The following MIPOL1 variants were observed in gnomAD, a reference collection of about 807,000 sequenced individuals.
MIPOL1 encodes mirror-image polydactyly 1, also known as mirror-image polydactyly gene 1 protein.
A neutral mutation model predicts 60.9 loss-of-function variants in MIPOL1; 57 were observed. The ratio of observed to expected loss-of-function variants is 0.94; its 90% confidence interval spans 0.76 to 1.17. MIPOL1 has a LOEUF of 1.17. Ranked by LOEUF, MIPOL1 falls within the 50% of genes most tolerant of loss-of-function variation. The probability of loss-of-function intolerance (pLI) is 0.00; values close to 1 mark genes in which losing one functional copy is unlikely to be tolerated. For missense variants in MIPOL1, 551 were observed against 511.6 expected (o/e 1.08, Z -0.74); for synonymous variants, 179 against 168.8 (o/e 1.06, Z -0.47).
intron 10 of MIPOL1, among the ~76,000 whole-genome samples, chr14:37,418,443 C>A (rs1467507179): frequency 6.6e-6 from 1 of 152,102 alleles, no homozygotes; most frequent in Non-Finnish European, 1.5e-5. Flanking sequence ...GTTAACCAAC[C>A]CATTTTTCAA....
At chr14:37,390,719 C>T (rs951977796) in intron 10 of MIPOL1, among the ~76,000 whole-genome samples, 5 of 151,854 alleles carry the variant, frequency 3.3e-5, no homozygotes, top group African/African-American at 1.2e-4. Flanking sequence ...ATCAACAGTA[C>T]ATTTTTAAAT....
chr14:37,225,123 G>T (rs1323352172), intron 1 of MIPOL1, among the ~76,000 whole-genome samples: 11 of 152,156 alleles, frequency 7.2e-5, no homozygotes, highest in Non-Finnish European at 1.5e-5. Flanking sequence ...GTTCTTGCAG[G>T]GTACAGCCTC....
chr14:37,430,854 G>A (rs984600149), intron 11 of MIPOL1, among the ~76,000 whole-genome samples: 1 of 152,126 alleles, frequency 6.6e-6, no homozygotes, highest in Non-Finnish European at 1.5e-5. Flanking sequence ...ATCTTCTATA[G>A]CTTTCTATCC....
chr14:37,349,718 AT>A (rs2091211992), intron 9 of MIPOL1, among the ~76,000 whole-genome samples: 1 of 152,026 alleles, frequency 6.6e-6, no homozygotes, highest in Admixed American at 6.6e-5. Flanking sequence ...TTTCTTCAAC[AT>A]TTTTCACCTC....
rs749896683 is a variant in MIPOL1, at chr14:37,474,885, C to G, written c.1032-25023C>G. 3.4e-4 allele frequency among the ~76,000 whole-genome samples: 52 copies of G among 152,058 alleles called. 1 individual carries two copies. The highest frequency in any genetic ancestry group is 1.3e-4 in the Admixed American group (2 of 15,250). The stretch of plus-strand genomic sequence containing the variant: ...TACAATTCTCTGATGACATGTTGAG[C>G]CTCTTATATGCTTACTTAACCATCT... On this transcript the variant is annotated intron_variant, in intron 11 of 12. Transcript: ENST00000684589.
intron 11 of MIPOL1, among the ~76,000 whole-genome samples, chr14:37,437,814 G>A (rs1052631386): frequency 2.6e-5 from 4 of 152,058 alleles, no homozygotes; most frequent in Admixed American, 1.3e-4. Context: ...CAGTACTTGG[G>A]TACACTTAGG....
intron 11 of MIPOL1, among the ~76,000 whole-genome samples, chr14:37,452,233 G>T (rs899664364): frequency 6.6e-6 from 1 of 152,084 alleles, no homozygotes; most frequent in African/African-American, 2.4e-5. Flanking sequence ...TGAAATCTGG[G>T]ACTCAGCCAA....
chr14:37,328,815 G>A (rs1463905395), intron 9 of MIPOL1, among the ~76,000 whole-genome samples: 1 of 152,164 alleles, frequency 6.6e-6, no homozygotes, highest in Admixed American at 6.5e-5. Flanking sequence ...CTTTTCTCCT[G>A]CATCTGAAGT....
At chr14:37,256,244 G>T (rs924860087) in intron 3 of MIPOL1, among the ~76,000 whole-genome samples, 9 of 151,770 alleles carry the variant, frequency 5.9e-5, no homozygotes, top group Non-Finnish European at 3.0e-5. Context: ...GATTAGGGTA[G>T]GTATGGTTCA....
chr14:37,237,540 G>A (rs1971682270), intron 1 of MIPOL1, among the ~76,000 whole-genome samples: 1 of 151,902 alleles, frequency 6.6e-6, no homozygotes, highest in East Asian at 1.9e-4. Flanking sequence ...ATTCTCTCTG[G>A]GATAACAAGA....
chr14:37,529,437 T>TA (rs1349148875), intron 12 of MIPOL1, among the ~76,000 whole-genome samples: 1 of 152,204 alleles, frequency 6.6e-6, no homozygotes, highest in African/African-American at 2.4e-5. Flanking sequence ...GCAGTAAACA[T>TA]ACTTGTACCT....
intron 12 of MIPOL1, among the ~76,000 whole-genome samples, chr14:37,538,593 T>C (rs2095516757): frequency 6.6e-6 from 1 of 152,164 alleles, no homozygotes; most frequent in South Asian, 2.1e-4. Context: ...TATAGTGGGA[T>C]AAAAAATGGC....
chr14:37,507,847 A>G (rs191470215), intron 12 of MIPOL1: 8 of 152,278 alleles, frequency 5.3e-5, no homozygotes, highest in Middle Eastern at 3.4e-3. Flanking sequence ...AAACTTTTTT[A>G]TGGAATGGCA....
intron 3 of MIPOL1, among the ~76,000 whole-genome samples, chr14:37,260,089 A>G (rs149826214): frequency 1.3e-5 from 2 of 151,904 alleles, no homozygotes; most frequent in Non-Finnish European, 2.9e-5. Flanking sequence ...TGCTCTCCAT[A>G]TATTCTTTAG....
At chr14:37,241,257 T>C (rs747755187) in intron 1 of MIPOL1, among the ~76,000 whole-genome samples, 1 of 152,102 alleles carries the variant, frequency 6.6e-6, no homozygotes. Flanking sequence ...GTCTTTTTGT[T>C]CTATTCAGGA....
chr14:37,476,924 G>A (rs1298116276), intron 11 of MIPOL1, among the ~76,000 whole-genome samples: 5 of 129,088 alleles, frequency 3.9e-5, no homozygotes, highest in East Asian at 2.2e-4. Context: ...TTTTTGAGAC[G>A]GAGACTTTCT....
chr14:37,501,213 A>T (rs2095210743), intron 12 of MIPOL1, among the ~76,000 whole-genome samples: 1 of 152,236 alleles, frequency 6.6e-6, no homozygotes, highest in Non-Finnish European at 1.5e-5. Flanking sequence ...GTAAGTTTAA[A>T]GATGGGGTTT....
chr14:37,312,016 C>G (rs1477272405), intron 9 of MIPOL1, among the ~76,000 whole-genome samples: 1 of 16,774 alleles, frequency 6.0e-5, no homozygotes, highest in African/African-American at 1.9e-4. Context: ...TAGAATATCT[C>G]TGAATTTGGG....
chr14:37,209,607 C>A (rs2139270033), intron 1 of MIPOL1, among the ~76,000 whole-genome samples: 1 of 152,308 alleles, frequency 6.6e-6, no homozygotes, highest in South Asian at 2.1e-4. Context: ...TTGCAGTGAG[C>A]TGAGATCACG....
Sources: allele counts gnomAD v4.1 joint callset (sites outside exome capture counted in the v4.1 genomes callset), GRCh38; gene constraint gnomAD v4.1.1; transcripts MANE v1.5; gene names NCBI Gene and HGNC (gene_info 2026-07-23, HGNC 2026-07-21).